The following ADD3 variants were observed in gnomAD, a reference collection of about 807,000 sequenced individuals.
The protein encoded by ADD3 is adducin 3, also known as gamma-adducin.
ADD3 carries 25 observed loss-of-function variants against 80.2 expected under a neutral mutation model. That is an observed-to-expected ratio of 0.31 (90% CI 0.23 to 0.44). The LOEUF is 0.44. ADD3 is among the 20% of genes least tolerant of loss of function. The pLI is 1.00. For missense variants in ADD3, 829 were observed against 847.5 expected (o/e 0.98, Z 0.27); for synonymous variants, 284 against 289.6 (o/e 0.98, Z 0.20).
At chr10:110,015,268 C>T (rs1290119465) in intron 1 of ADD3, among the ~76,000 whole-genome samples, 3 of 151,938 alleles carry the variant, frequency 2.0e-5, no homozygotes, top group African/African-American at 4.8e-5. Context: ...TAATTGGGAG[C>T]TATTATTTAT....
chr10:110,039,274 A>G lies in ADD3; in HGVS notation c.-30+30975A>G, dbSNP rs1856016147. On this transcript the variant is annotated intron_variant, in intron 1 of 14. Transcript: ENST00000356080. ...CCATCCTTTAAGACCTTCTGACTTA[A>G]AAGTTCTCCTACCCCAATTTAAGCA... 2.0e-5 allele frequency among the ~76,000 whole-genome samples: 3 copies of G among 152,088 alleles called. No individual in the cohort carries two copies. The South Asian group carries it at 6.2e-4, about 31-fold the overall frequency.
intron 1 of ADD3, among the ~76,000 whole-genome samples, chr10:110,018,496 C>T (rs1390403616): frequency 7.7e-6 from 1 of 129,900 alleles, no homozygotes; most frequent in African/African-American, 2.9e-5. Context: ...CCATTGCACT[C>T]TAGCCTGGGT....
At chr10:110,000,121 T>C (rs1464841598) in intron 1 of ADD3, among the ~76,000 whole-genome samples, 5 of 152,236 alleles carry the variant, frequency 3.3e-5, no homozygotes, top group Admixed American at 3.3e-4. Context: ...GGTTTCACCA[T>C]GTTGGCCAGG....
At chr10:110,055,431 G>T (rs1318623408) in intron 1 of ADD3, among the ~76,000 whole-genome samples, 3 of 152,152 alleles carry the variant, frequency 2.0e-5, no homozygotes, top group Admixed American at 2.0e-4. Context: ...ATATTTGGCA[G>T]TTGATAAAAA....
intron 1 of ADD3, among the ~76,000 whole-genome samples, chr10:110,018,526 C>CAAAA (rs59949041): frequency 1.9e-3 from 92 of 49,424 alleles, no homozygotes; most frequent in Middle Eastern, 0.015. Flanking sequence ...GACTTTGTCT[C>CAAAA]AAAAAAAAAA....
chr10:110,059,473 C>G (rs1447069487), intron 1 of ADD3, among the ~76,000 whole-genome samples: 1 of 150,874 alleles, frequency 6.6e-6, no homozygotes, highest in Admixed American at 6.6e-5. Flanking sequence ...AAGACTCTGT[C>G]TCATAAATAA....
intron 1 of ADD3, among the ~76,000 whole-genome samples, chr10:110,032,332 A>C (rs977943358): frequency 6.6e-6 from 1 of 152,328 alleles, no homozygotes; most frequent in Admixed American, 6.5e-5. Flanking sequence ...AGATGTGATC[A>C]CAAATCATGA....
chr10:110,125,865 A>C lies in ADD3; in HGVS notation c.1441A>C (p.Thr481Pro). The change falls in exon 11 of 15, where the codon ACA (threonine) becomes CCA (proline). Residue 481 changes from threonine to proline, a missense_variant. Transcript: ENST00000356080. ...AGACTCATCTAAAGTTAGTGGTGGAACACCTATCAAAATTGAAGATCCAAA... is the reference window on the plus strand; with the variant it reads ...AGACTCATCTAAAGTTAGTGGTGGACCACCTATCAAAATTGAAGATCCAAA... ...AEDSSKVSGG[T>P]PIKIEDPNQF... is the part of the protein sequence containing the mutation. 1.2e-6 allele frequency: 2 copies of C among 1,610,568 alleles called. No homozygotes were observed. The highest frequency in any genetic ancestry group is 1.7e-6 in the Non-Finnish European group (2 of 1,177,542).
chr10:110,084,808 A>T (rs2133807987), intron 1 of ADD3, among the ~76,000 whole-genome samples: 1 of 152,344 alleles, frequency 6.6e-6, no homozygotes, highest in East Asian at 1.9e-4. Flanking sequence ...CTACAATCCT[A>T]ACAAACGTAT....
chr10:110,131,874 C>T (rs1853058698), intron 13 of ADD3, among the ~76,000 whole-genome samples: 1 of 152,186 alleles, frequency 6.6e-6, no homozygotes, highest in Non-Finnish European at 1.5e-5. Context: ...TGAATTAGCT[C>T]AGTAACATTG....
intron 1 of ADD3, among the ~76,000 whole-genome samples, chr10:110,066,050 T>C (rs1443554113): frequency 6.6e-6 from 1 of 152,164 alleles, no homozygotes; most frequent in East Asian, 1.9e-4. Flanking sequence ...TTAAGGGTTT[T>C]GAACACTTAA....
Position 110,133,717 on chromosome 10 carries a change from G to A in ADD3, c.*99G>A. 2 of 1,022,602 alleles carry A rather than the reference G, an allele frequency of 2.0e-6. No individual in the cohort carries two copies. Among genetic ancestry groups the A allele is most frequent in the Non-Finnish European group, 2.7e-6 (2 of 749,436 alleles). 63.3% of individuals were successfully genotyped at this position (1,022,602 alleles called of 1,614,324 possible). The stretch of plus-strand genomic sequence containing the variant: ...TAATATGCAATGGTAGATCAGATTG[G>A]GGGATGTAGCAAACTGGACTTTAAG... On this transcript the variant is annotated 3_prime_UTR_variant, in exon 15 of 15. Transcript: ENST00000356080.
chr10:110,104,945 G>GA (rs1439174545), intron 2 of ADD3, among the ~76,000 whole-genome samples: 4 of 152,104 alleles, frequency 2.6e-5, no homozygotes, highest in Non-Finnish European at 5.9e-5. Flanking sequence ...CAGTGACAAT[G>GA]AAAAAATTCT....
chr10:110,128,202 GT>G (rs1443489608), intron 12 of ADD3, among the ~76,000 whole-genome samples: 1 of 151,544 alleles, frequency 6.6e-6, no homozygotes, highest in Admixed American at 6.6e-5. Context: ...AGTTCTGGAA[GT>G]TTTTTAAAAG....
At chr10:110,037,232 TG>T (rs897241134) in intron 1 of ADD3, among the ~76,000 whole-genome samples, 5 of 152,236 alleles carry the variant, frequency 3.3e-5, no homozygotes, top group Non-Finnish European at 5.9e-5. Context: ...AGTCTTACCA[TG>T]GGTTCCTACT....
intron 1 of ADD3, among the ~76,000 whole-genome samples, chr10:109,998,567 C>A (rs12762143): frequency 0.032 from 4,844 of 152,218 alleles, 102 homozygotes; most frequent in Non-Finnish European, 0.045. Flanking sequence ...TTGCTTAAAA[C>A]CTTCTGAAAG....
intron 1 of ADD3, among the ~76,000 whole-genome samples, chr10:110,057,339 C>G (rs545118610): frequency 2.0e-5 from 3 of 152,144 alleles, no homozygotes; most frequent in Non-Finnish European, 2.9e-5. Context: ...TTTTACTGAC[C>G]AAGAGGTGTT....
At chr10:110,113,324 G>A (rs929689624) in intron 3 of ADD3, among the ~76,000 whole-genome samples, 7 of 152,206 alleles carry the variant, frequency 4.6e-5, no homozygotes, top group African/African-American at 1.4e-4. Context: ...CTGGAGTACA[G>A]TGGCCCGATC....
At chr10:110,080,781 C>T (rs564841939) in intron 1 of ADD3, among the ~76,000 whole-genome samples, 12 of 152,248 alleles carry the variant, frequency 7.9e-5, no homozygotes, top group South Asian at 4.1e-4. Flanking sequence ...CTCCTTGTTT[C>T]GTTAAATGCT....
Sources: gnomAD v4.1 joint callset for allele counts (sites outside exome capture counted in the v4.1 genomes callset) on GRCh38, gnomAD v4.1.1 for gene constraint, MANE v1.5 for transcripts, NCBI Gene and HGNC (gene_info 2026-07-23, HGNC 2026-07-21) for gene names.